Variants in FNIP1 observed in about 807,000 individuals in gnomAD.
The protein encoded by FNIP1 is folliculin interacting protein 1.
FNIP1 carries 40 observed loss-of-function variants against 124.5 expected under a neutral mutation model. The observed-to-expected ratio is 0.32, with a 90% CI of 0.25 to 0.42. The LOEUF is 0.42. Ranked by LOEUF, FNIP1 falls within the 10% of genes least tolerant of loss-of-function variation. The pLI, the probability that FNIP1 is intolerant of heterozygous loss-of-function variation, is 1.00. For missense variants in FNIP1, 1,176 were observed against 1,403.7 expected, an observed-to-expected ratio of 0.84 and a Z score of 2.59; for synonymous variants, 472 against 470.6, an observed-to-expected ratio of 1.00 and a Z score of -0.04.
In FNIP1 at chr5:131,695,281, G is replaced by A. The variant is rs564523427; in HGVS notation, c.1202+3636C>T. On this transcript the variant is annotated intron_variant, in intron 11 of 17. Transcript: ENST00000510461. Reference sequence around the variant, plus strand: ...CTTCATTGTGTGTGTGGGCACGTGCGTGCATAAACTCATGCATCAAACTGG... The same window carrying A: ...CTTCATTGTGTGTGTGGGCACGTGCATGCATAAACTCATGCATCAAACTGG... Among the ~76,000 whole-genome samples, 28 of 152,272 alleles carry A rather than the reference G, an allele frequency of 1.8e-4. No individual in the cohort carries two copies. In the South Asian group the frequency reaches 4.1e-3, roughly 23 times the overall value.
intron 6 of FNIP1, among the ~76,000 whole-genome samples, chr5:131,715,479 C>T (rs1250736925): frequency 6.6e-6 from 1 of 151,972 alleles, no homozygotes; most frequent in Non-Finnish European, 1.5e-5. Context: ...GAGTGAGATT[C>T]CATATCAAAA....
chr5:131,691,707 C>A (rs1768486362), intron 11 of FNIP1, among the ~76,000 whole-genome samples: 1 of 152,102 alleles, frequency 6.6e-6, no homozygotes, highest in Non-Finnish European at 1.5e-5. Context: ...AGTCTATGCC[C>A]ACAAATTTAG....
Position 131,644,596 on chromosome 5 carries a change from G to C in FNIP1, c.*89C>G. ...GACTCATTCAGATGGAAGTCTAAAA[G>C]GGAAAAAGAATCTCCATAAATGCAT... On this transcript the variant is annotated 3_prime_UTR_variant, in exon 18 of 18. Transcript: ENST00000510461. 2 of 1,145,514 alleles carry C rather than the reference G, an allele frequency of 1.7e-6. No individual in the cohort carries two copies. The highest frequency in any genetic ancestry group is 2.4e-5 in the East Asian group (1 of 42,112). 71.0% of individuals were successfully genotyped at this position (1,145,514 alleles called of 1,614,324 possible). A position where few individuals can be genotyped will look rare whatever the true frequency, so the allele number is the denominator to read the frequency against.
intron 11 of FNIP1, among the ~76,000 whole-genome samples, chr5:131,695,470 G>A (rs962216806): frequency 6.6e-5 from 10 of 152,298 alleles, no homozygotes; most frequent in African/African-American, 2.4e-4. Context: ...AGAAAAGAAA[G>A]AAGGGATAGT....
chr5:131,647,631 C>T (rs958954249), intron 16 of FNIP1, among the ~76,000 whole-genome samples: 1 of 151,888 alleles, frequency 6.6e-6, no homozygotes, highest in Non-Finnish European at 1.5e-5. Context: ...GCGCACCACA[C>T]CCGGCTAATT....
At chr5:131,678,897 T>A in intron 12 of FNIP1, 132 bp downstream of exon 12, 1 of 645,682 alleles carries the variant, frequency 1.5e-6, no homozygotes, top group Non-Finnish European at 2.5e-6. Flanking sequence ...CATTTAATTA[T>A]TTTTTAGAAT....
Position 131,706,457 on chromosome 5 carries a change from G to T in FNIP1, c.868C>A (p.Arg290=). 1 of 1,613,090 alleles carries T rather than the reference G, an allele frequency of 6.2e-7. No individual in the cohort carries two copies. Among genetic ancestry groups the T allele is most frequent in the Non-Finnish European group, 8.5e-7 (1 of 1,179,486 alleles). ...SCASSYQRRW[R]RSQTTSLENG... ...TCCAAACTTGTTGTTTGGCTGCGTCGCCAACGTCGCTGGTAGCTGCTGGCA... is the reference window on the plus strand; with the variant it reads ...TCCAAACTTGTTGTTTGGCTGCGTCTCCAACGTCGCTGGTAGCTGCTGGCA... Residue 290 remains arginine, a synonymous_variant, in exon 9 of 18, where the codon CGA becomes AGA. Coordinates refer to ENST00000510461, the MANE Select transcript of FNIP1 (RefSeq NM_133372.3).
chr5:131,674,060 TA>T, intron 13 of FNIP1, among the ~76,000 whole-genome samples: 1 of 151,692 alleles, frequency 6.6e-6, no homozygotes, highest in Non-Finnish European at 1.5e-5. Context: ...TAATAAAAAA[TA>T]AAAAGAAATA....
Position 131,710,738 on chromosome 5 carries a change from G to A in FNIP1, c.623-77C>T, listed in dbSNP as rs549642769. 4.4e-5 allele frequency: 56 copies of A among 1,264,564 alleles called. No individual in the cohort carries two copies. In the African/African-American group the frequency reaches 7.6e-4, roughly 17 times the overall value. The allele number at this position is 1,264,564 out of a possible 1,614,324, so 78.3% of individuals were successfully genotyped here. A position where few individuals can be genotyped will look rare whatever the true frequency, so the allele number is the denominator to read the frequency against. On this transcript the variant is annotated intron_variant, in intron 6 of 17. Coordinates refer to ENST00000510461, the MANE Select transcript of FNIP1 (RefSeq NM_133372.3). Reference sequence around the variant, plus strand: ...ACAATGCGTCAGGGAAAAAAGGTGAGCTAAGGCAGCACAAGAGCAGACCAA... The same window carrying A: ...ACAATGCGTCAGGGAAAAAAGGTGAACTAAGGCAGCACAAGAGCAGACCAA...
At chr5:131,681,762 T>A (rs1239979364) in intron 11 of FNIP1, among the ~76,000 whole-genome samples, 134 of 109,292 alleles carry the variant, frequency 1.2e-3, no homozygotes, top group African/African-American at 1.7e-3. Context: ...TGCCAATTTC[T>A]AAAAAAAAAA....
intron 10 of FNIP1, among the ~76,000 whole-genome samples, chr5:131,703,341 A>T (rs1460132978): frequency 6.6e-6 from 1 of 152,232 alleles, no homozygotes; most frequent in African/African-American, 2.4e-5. Context: ...GAAATCTATT[A>T]TCCACCAGCA....
chr5:131,755,567 A>C (rs1771022942), intron 1 of FNIP1, among the ~76,000 whole-genome samples: 1 of 152,190 alleles, frequency 6.6e-6, no homozygotes, highest in East Asian at 1.9e-4. Flanking sequence ...AAAATAGAAA[A>C]GAATGTGAAG....
intron 3 of FNIP1, among the ~76,000 whole-genome samples, chr5:131,722,300 G>T (rs982553397): frequency 9.9e-5 from 15 of 152,150 alleles, no homozygotes; most frequent in Non-Finnish European, 2.9e-5. Context: ...ATCATACCTA[G>T]ATAGTACACT....
intron 12 of FNIP1, among the ~76,000 whole-genome samples, chr5:131,678,289 A>G (rs1323526426): frequency 6.6e-6 from 1 of 152,272 alleles, no homozygotes; most frequent in Non-Finnish European, 1.5e-5. Flanking sequence ...ATCAAAGAGA[A>G]TAAAAACAAC....
At chr5:131,754,721 A>G (rs1489081600) in intron 1 of FNIP1, among the ~76,000 whole-genome samples, 1 of 152,272 alleles carries the variant, frequency 6.6e-6, no homozygotes, top group Non-Finnish European at 1.5e-5. Flanking sequence ...TTCAACACAC[A>G]CATACAGACT....
At chr5:131,788,593 C>A (rs1019702690) in intron 1 of FNIP1, among the ~76,000 whole-genome samples, 2 of 149,922 alleles carry the variant, frequency 1.3e-5, no homozygotes, top group South Asian at 4.2e-4. Context: ...CCCAGCTACT[C>A]GGGAGGCTGA....
chr5:131,779,218 A>G (rs1206728816), intron 1 of FNIP1, among the ~76,000 whole-genome samples: 1 of 152,054 alleles, frequency 6.6e-6, no homozygotes, highest in African/African-American at 2.4e-5. Context: ...ACAAATAAGT[A>G]TGTGAACTCT....
At chr5:131,785,089 TG>T (rs1369431971) in intron 1 of FNIP1, among the ~76,000 whole-genome samples, 4 of 21,258 alleles carry the variant, frequency 1.9e-4, no homozygotes, top group Non-Finnish European at 3.3e-4. Flanking sequence ...CATATATATA[TG>T]ATATATATGA....
chr5:131,720,354 T>C (rs180822625), intron 3 of FNIP1, among the ~76,000 whole-genome samples: 1 of 152,186 alleles, frequency 6.6e-6, no homozygotes, highest in East Asian at 1.9e-4. Context: ...TGAATATAGA[T>C]TAAAGGCTTA....
Sources: allele counts gnomAD v4.1 joint callset (sites outside exome capture counted in the v4.1 genomes callset), GRCh38; gene constraint gnomAD v4.1.1; transcripts MANE v1.5; gene names NCBI Gene and HGNC (gene_info 2026-07-23, HGNC 2026-07-21).